IQANK1: variants seen among roughly 807,000 people sequenced by gnomAD.
IQANK1 encodes IQ motif and ankyrin repeat domain-containing protein 1.
A neutral mutation model predicts 22.6 loss-of-function variants in IQANK1; 30 were observed. That is an observed-to-expected ratio of 1.33 (90% CI 0.99 to 1.80). The LOEUF (loss-of-function observed/expected upper bound fraction) is 1.80. IQANK1 is among the 40% of genes most tolerant of loss of function. The pLI, the probability that IQANK1 is intolerant of heterozygous loss-of-function variation, is 0.00. For synonymous variants in IQANK1, 122 were observed against 99.6 expected (o/e 1.23, Z -1.34); for missense variants, 275 against 235.2 (o/e 1.17, Z -1.11).
chr8:143,768,652 A>G (rs1465755333), intron 3 of IQANK1, among the ~76,000 whole-genome samples: 3 of 151,960 alleles, frequency 2.0e-5, no homozygotes, highest in African/African-American at 7.3e-5. Context: ...TTAATCCTTT[A>G]TTTGTATCAC....
intron 7 of IQANK1, among the ~76,000 whole-genome samples, chr8:143,782,436 G>T (rs1418865811): frequency 6.6e-6 from 1 of 150,934 alleles, no homozygotes. Context: ...GTATAATGTT[G>T]GCTGTGGGCT....
At chr8:143,785,874 G>A (rs560846234) in intron 7 of IQANK1, among the ~76,000 whole-genome samples, 9 of 152,056 alleles carry the variant, frequency 5.9e-5, no homozygotes, top group East Asian at 1.9e-4. Context: ...TTACAGGCAC[G>A]CACCACCACA....
chr8:143,734,662 G>A (rs572753180), intron 1 of IQANK1, among the ~76,000 whole-genome samples: 2 of 151,914 alleles, frequency 1.3e-5, no homozygotes, highest in East Asian at 3.9e-4. Context: ...AGATTTCTCA[G>A]ACACCAACCC....
At position 143,739,876 on chromosome 8, in the gene IQANK1, C is replaced by A; in HGVS notation, c.103C>A (p.Arg35Ser). 1 of 694,898 alleles carries A rather than the reference C, an allele frequency of 1.4e-6. No homozygotes were observed. The highest frequency in any genetic ancestry group is 2.6e-6 in the Non-Finnish European group (1 of 381,716). The allele number at this position is 694,898 out of a possible 1,614,324, so 43.0% of individuals were successfully genotyped here. The change falls in exon 3 of 14, where the codon CGC (arginine) becomes AGC (serine). Residue 35 changes from arginine (R) to serine (S), a missense_variant. Coordinates refer to ENST00000527139, the MANE Select transcript of IQANK1 (RefSeq NM_001381874.1). ...RAAAGKPGEN[R>S]PPQRKAGWQA... ...TCCCTTAGGGAAGCCCGGGGAGAAC[C>A]GCCCGCCGCAGAGGAAAGCGGGCTG...
Position 143,756,768 on chromosome 8 carries a change from C to A in IQANK1, c.176-14720C>A, listed in dbSNP as rs537482656. On this transcript the variant is annotated intron_variant, in intron 3 of 13. Coordinates refer to ENST00000527139, the MANE Select transcript of IQANK1 (RefSeq NM_001381874.1). ...ATTGCTTGAGCCCAGGAGTTTCAGACCAGCCTGGGCAACACAGTGAAACAG... is the reference window on the plus strand; with the variant it reads ...ATTGCTTGAGCCCAGGAGTTTCAGAACAGCCTGGGCAACACAGTGAAACAG... 7.8e-4 allele frequency among the ~76,000 whole-genome samples: 118 copies of A among 151,038 alleles called. 1 individual carries two copies. Among genetic ancestry groups the A allele is most frequent in the African/African-American group, 2.8e-3 (114 of 41,128 alleles).
intron 3 of IQANK1, chr8:143,742,643 G>T (rs1385388628): frequency 2.2e-6 from 1 of 456,044 alleles, no homozygotes; most frequent in Non-Finnish European, 4.4e-6. Flanking sequence ...AAGAAGAATA[G>T]CCTCCACCAG....
At chr8:143,762,726 A>G (rs1263656907) in intron 3 of IQANK1, among the ~76,000 whole-genome samples, 1 of 152,200 alleles carries the variant, frequency 6.6e-6, no homozygotes, top group Non-Finnish European at 1.5e-5. Flanking sequence ...TTGTTTCATT[A>G]AGGAGAACAC....
intron 3 of IQANK1, among the ~76,000 whole-genome samples, chr8:143,752,532 C>T (rs1819214823): frequency 6.6e-6 from 1 of 152,034 alleles, no homozygotes; most frequent in Admixed American, 6.6e-5. Context: ...AAGTTTTCAG[C>T]CATTATTTCT....
rs1230822326 is a variant in IQANK1, at chr8:143,751,919, C to CT, written c.175+11977dup. 3.4e-4 allele frequency among the ~76,000 whole-genome samples: 9 copies of CT among 26,270 alleles called. No individual in the cohort carries two copies. The Admixed American group carries it at 5.4e-3, about 16-fold the overall frequency. The allele number at this position is 26,270 out of a possible 152,430, so 17.2% of individuals were successfully genotyped here. ...GGATAGTTTTGCTGGATATAGGATT[C>CT]TTTTTTGCCAGTTTTTTTTTTCTTT... On this transcript the variant is annotated intron_variant, in intron 3 of 13. Coordinates refer to ENST00000527139, the MANE Select transcript of IQANK1 (RefSeq NM_001381874.1).
rs1313736730 is a variant in IQANK1, at chr8:143,749,008, A to G, written c.175+9060A>G. ...ATATATAAATATATATCATAAATAT[A>G]TATCATATATAAAATATAAAAATAT... On this transcript the variant is annotated intron_variant, in intron 3 of 13. Coordinates refer to ENST00000527139, the MANE Select transcript of IQANK1 (RefSeq NM_001381874.1). 6.7e-5 allele frequency among the ~76,000 whole-genome samples: 8 copies of G among 120,120 alleles called. No homozygotes were observed. In the East Asian group the frequency reaches 1.7e-3, roughly 26 times the overall value. The allele number at this position is 120,120 out of a possible 152,430, so 78.8% of individuals were successfully genotyped here. A position where few individuals can be genotyped will look rare whatever the true frequency, so the allele number is the denominator to read the frequency against.
intron 3 of IQANK1, chr8:143,759,742 A>C (rs1819359439): frequency 6.6e-6 from 1 of 152,220 alleles, no homozygotes; most frequent in African/African-American, 2.4e-5. Flanking sequence ...TGCATCGTTC[A>C]CATCTTTTGG....
rs1429364245 is a variant in IQANK1 at position 143,777,585 on chromosome 8, G to T, written c.789+5103G>T. On this transcript the variant is annotated intron_variant, in intron 7 of 13. Coordinates refer to ENST00000527139, the MANE Select transcript of IQANK1 (RefSeq NM_001381874.1). ...CCAAAATATACCGGAAAGGCTGGGA[G>T]GGGTAAATGGAAGTGTATTGTCTTA... Among the ~76,000 whole-genome samples the T allele has an allele frequency of 3.3e-5, 5 of 151,498 alleles. 1 individual carries two copies. In the South Asian group the frequency reaches 1.1e-3, roughly 32 times the overall value.
intron 3 of IQANK1, among the ~76,000 whole-genome samples, chr8:143,754,365 T>A (rs1273716941): frequency 6.6e-6 from 1 of 152,152 alleles, no homozygotes; most frequent in African/African-American, 2.4e-5. Context: ...GCTGAGCACC[T>A]CTCCCAGGGC....
chr8:143,785,914 A>T (rs571409661), intron 7 of IQANK1, among the ~76,000 whole-genome samples: 3 of 151,890 alleles, frequency 2.0e-5, no homozygotes, highest in African/African-American at 7.3e-5. Context: ...TTTAGTAGAG[A>T]CGGGGTTTCA....
intron 3 of IQANK1, among the ~76,000 whole-genome samples, chr8:143,767,020 C>T (rs369807398): frequency 2.0e-5 from 3 of 152,262 alleles, no homozygotes; most frequent in African/African-American, 7.2e-5. Context: ...CCCACGGCCA[C>T]TGGTCTCCGT....
intron 3 of IQANK1, among the ~76,000 whole-genome samples, chr8:143,748,446 T>G (rs1819076568): frequency 7.0e-6 from 1 of 142,878 alleles, no homozygotes; most frequent in African/African-American, 2.6e-5. Context: ...TATAAATATA[T>G]ATATCATATA....
intron 7 of IQANK1, among the ~76,000 whole-genome samples, chr8:143,781,954 G>A (rs1325260548): frequency 2.6e-5 from 4 of 152,126 alleles, no homozygotes; most frequent in Non-Finnish European, 5.9e-5. Flanking sequence ...CGTGAGCATG[G>A]GATGTTTTTC....
At chr8:143,739,806 A>T in intron 2 of IQANK1, 53 bp from the exon 3 acceptor site, 3 of 667,266 alleles carry the variant, frequency 4.5e-6, no homozygotes, top group Non-Finnish European at 8.2e-6. Flanking sequence ...TCTTGAGGCT[A>T]ATGGGGATGG....
intron 3 of IQANK1, among the ~76,000 whole-genome samples, chr8:143,757,974 G>T (rs1819324084): frequency 6.6e-6 from 1 of 152,120 alleles, no homozygotes; most frequent in Non-Finnish European, 1.5e-5. Context: ...GTCCAATCAG[G>T]ATAAATTCAC....
Sources: allele counts gnomAD v4.1 joint callset (sites outside exome capture counted in the v4.1 genomes callset), GRCh38; gene constraint gnomAD v4.1.1; transcripts MANE v1.5; gene names NCBI Gene and HGNC (gene_info 2026-07-23, HGNC 2026-07-21).